The following SAMMSON variants were observed in gnomAD, a reference collection of about 807,000 sequenced individuals.
SAMMSON encodes the protein long intergenic non-protein coding RNA 1212.
rs117329973 is a variant in SAMMSON, at chr3:70,263,925, G to A, written n.674+14255G>A. Among the ~76,000 whole-genome samples the A allele has an allele frequency of 2.0e-5, 3 of 152,216 alleles. No individual in the cohort carries two copies. The East Asian group carries it at 5.8e-4, about 29-fold the overall frequency. On this transcript the variant is annotated intron_variant and non_coding_transcript_variant, in intron 6 of 9. Coordinates refer to ENST00000642114, the Ensembl canonical transcript of SAMMSON. Reference sequence around the variant, plus strand: ...TTGCTGTTGTCCAATATCTCAAATGGTTGTTGAATACATTATTTCTAGTTC... The same window carrying A: ...TTGCTGTTGTCCAATATCTCAAATGATTGTTGAATACATTATTTCTAGTTC...
intron 4 of SAMMSON, among the ~76,000 whole-genome samples, chr3:70,173,831 A>G (rs1700983505): frequency 6.6e-6 from 1 of 151,882 alleles, no homozygotes; most frequent in Non-Finnish European, 1.5e-5. Flanking sequence ...CCTTGAGGTG[A>G]TATTTTGTTA....
At chr3:70,345,306 G>A (rs1702742010) in intron 7 of SAMMSON, among the ~76,000 whole-genome samples, 1 of 152,162 alleles carries the variant, frequency 6.6e-6, no homozygotes, top group African/African-American at 2.4e-5. Context: ...ACTTTATCAA[G>A]TGGAGTCTGT....
intron 2 of SAMMSON, among the ~76,000 whole-genome samples, chr3:70,409,874 A>C (rs578054699): frequency 4.6e-5 from 7 of 152,220 alleles, no homozygotes; most frequent in Admixed American, 1.3e-4. Context: ...GCTTTGTTAC[A>C]TGGGTATATT....
chr3:70,225,257 C>A (rs984938886), intron 4 of SAMMSON, among the ~76,000 whole-genome samples: 7 of 152,102 alleles, frequency 4.6e-5, no homozygotes, highest in African/African-American at 1.4e-4. Context: ...TTTCAATAAA[C>A]TTTTCCCCAG....
At chr3:70,133,234 G>T (rs2067490849) in intron 4 of SAMMSON, among the ~76,000 whole-genome samples, 1 of 152,090 alleles carries the variant, frequency 6.6e-6, no homozygotes, top group Admixed American at 6.6e-5. Flanking sequence ...CCCACTTCGT[G>T]ACTGAAGGTT....
chr3:70,308,774 A>G (rs933564979), intron 7 of SAMMSON, among the ~76,000 whole-genome samples: 3 of 152,094 alleles, frequency 2.0e-5, no homozygotes, highest in Non-Finnish European at 4.4e-5. Flanking sequence ...TGAAGTCGAG[A>G]AGTTAGAAAT....
At chr3:70,246,107 A>C (rs898869150) in intron 4 of SAMMSON, among the ~76,000 whole-genome samples, 15 of 152,072 alleles carry the variant, frequency 9.9e-5, no homozygotes, top group Non-Finnish European at 1.5e-4. Context: ...ATAAAAAAAA[A>C]CCCCACAGAT....
intron 7 of SAMMSON, among the ~76,000 whole-genome samples, chr3:70,333,683 C>T (rs1373253418): frequency 6.6e-6 from 1 of 152,174 alleles, no homozygotes; most frequent in Non-Finnish European, 1.5e-5. Flanking sequence ...CAAATTTCTT[C>T]TCTATTTCTC....
intron 9 of SAMMSON, among the ~76,000 whole-genome samples, chr3:70,365,605 A>C (rs67049236): frequency 0.088 from 13,399 of 151,674 alleles, 754 homozygotes; most frequent in African/African-American, 0.17. Flanking sequence ...GTGAACATTT[A>C]TGTTTCAGAA....
At chr3:70,028,085 TTTCCTTCCTTCC>T (rs113880254) in intron 3 of SAMMSON, among the ~76,000 whole-genome samples, 7 of 143,392 alleles carry the variant, frequency 4.9e-5, no homozygotes, top group Admixed American at 2.7e-4. Flanking sequence ...GCCTTCCTTC[TTTCCTTCCTTCC>T]TTCCTTCCTT....
chr3:70,383,007 C>T (rs1458127546), intron 9 of SAMMSON, among the ~76,000 whole-genome samples: 1 of 151,984 alleles, frequency 6.6e-6, no homozygotes, highest in Non-Finnish European at 1.5e-5. Flanking sequence ...ATGGTTTCTT[C>T]CTGTCTTTTC....
chr3:70,340,249 G>C (rs972408783), intron 7 of SAMMSON, among the ~76,000 whole-genome samples: 1 of 140,332 alleles, frequency 7.1e-6, no homozygotes, highest in South Asian at 2.6e-4. Flanking sequence ...TCGTGGGTTG[G>C]GGGGAGGGGG....
At chr3:70,110,009 C>G (rs537972393) in intron 4 of SAMMSON, among the ~76,000 whole-genome samples, 1 of 152,128 alleles carries the variant, frequency 6.6e-6, no homozygotes, top group Non-Finnish European at 1.5e-5. Flanking sequence ...AAGAGGTGGG[C>G]CAGTGAATAG....
In SAMMSON at chr3:70,196,146, A is replaced by AT. The variant is rs901533330; in HGVS notation, n.508-52954dup. ...AAAATGAAGAAAGTGAAGAATTGAGATTTTTTTGAAACTTGCACATAATTC... is the reference window on the plus strand; with the variant it reads ...AAAATGAAGAAAGTGAAGAATTGAGATTTTTTTTGAAACTTGCACATAATTC... On this transcript the variant is annotated intron_variant and non_coding_transcript_variant, in intron 4 of 9. Coordinates refer to ENST00000642114, the Ensembl canonical transcript of SAMMSON. Among the ~76,000 whole-genome samples the AT allele has an allele frequency of 3.9e-5, 6 of 152,160 alleles. No homozygotes were observed. The East Asian group carries it at 5.8e-4, about 15-fold the overall frequency.
At chr3:70,418,723 C>T (rs1701284435) in intron 2 of SAMMSON, among the ~76,000 whole-genome samples, 1 of 152,212 alleles carries the variant, frequency 6.6e-6, no homozygotes, top group Non-Finnish European at 1.5e-5. Flanking sequence ...AGAGTACAAG[C>T]CCATTCTCTG....
intron 4 of SAMMSON, among the ~76,000 whole-genome samples, chr3:70,162,730 A>G (rs1347570647): frequency 1.3e-5 from 2 of 151,898 alleles, no homozygotes; most frequent in Non-Finnish European, 2.9e-5. Context: ...TGAGAGTGTA[A>G]TATGAAGTGA....
intron 2 of SAMMSON, among the ~76,000 whole-genome samples, chr3:70,415,382 GA>G (rs549375653): frequency 2.0e-5 from 3 of 152,196 alleles, no homozygotes; most frequent in African/African-American, 7.2e-5. Context: ...AATCACAAAG[GA>G]AAAATGTCTT....
intron 4 of SAMMSON, among the ~76,000 whole-genome samples, chr3:70,186,102 A>G (rs987876944): frequency 1.3e-5 from 2 of 152,180 alleles, no homozygotes; most frequent in Admixed American, 6.5e-5. Flanking sequence ...TCAAACACAG[A>G]AAGAGATCCT....
At chr3:70,377,627 G>C (rs1354765754) in intron 9 of SAMMSON, among the ~76,000 whole-genome samples, 1 of 151,986 alleles carries the variant, frequency 6.6e-6, no homozygotes, top group African/African-American at 2.4e-5. Context: ...TAAAAGAAAA[G>C]AGAAATCTAA....
Sources: gnomAD v4.1 joint callset for allele counts (sites outside exome capture counted in the v4.1 genomes callset) on GRCh38, gnomAD v4.1.1 for gene constraint, MANE v1.5 for transcripts, NCBI Gene and HGNC (gene_info 2026-07-23, HGNC 2026-07-21) for gene names.